The following PLEK variants were observed in gnomAD, a reference collection of about 807,000 sequenced individuals.
PLEK encodes the protein pleckstrin.
A neutral mutation model predicts 43.9 loss-of-function variants in PLEK; 25 were observed. The observed-to-expected ratio is 0.57, with a 90% confidence interval of 0.41 to 0.79. The LOEUF is 0.79. Ranked by LOEUF, PLEK falls within the 30% of genes least tolerant of loss-of-function variation. The pLI is 0.00. For missense variants in PLEK, 396 were observed against 413.3 expected (o/e 0.96, Z 0.36); for synonymous variants, 152 against 144.4 (o/e 1.05, Z -0.38).
At chr2:68,382,697 C>T in intron 4 of PLEK, 64 bp downstream of exon 4, 1 of 916,026 alleles carries the variant, frequency 1.1e-6, no homozygotes, top group East Asian at 2.4e-5. Flanking sequence ...CTCCTTCGGC[C>T]TCGTCTGTGA....
chr2:68,386,827 T>C, intron 5 of PLEK, 141 bp downstream of exon 5: 1 of 626,950 alleles, frequency 1.6e-6, no homozygotes, highest in South Asian at 2.1e-5. Flanking sequence ...AGGGAATACC[T>C]GAAGCTCCCA....
intron 1 of PLEK, among the ~76,000 whole-genome samples, chr2:68,378,774 T>C (rs1451619767): frequency 6.6e-6 from 1 of 152,182 alleles, no homozygotes; most frequent in Non-Finnish European, 1.5e-5. Flanking sequence ...TCTTATCATT[T>C]TAGTGCTGGG....
rs151202814 is a variant in PLEK at position 68,388,173 on chromosome 2, G to A, written c.658-214G>A. 44 of 499,380 alleles carry A rather than the reference G, an allele frequency of 8.8e-5. No individual in the cohort carries two copies. The Middle Eastern group carries it at 1.6e-3, about 19-fold the overall frequency. The allele number at this position is 499,380 out of a possible 1,614,324, so 30.9% of individuals were successfully genotyped here. A position where few individuals can be genotyped will look rare whatever the true frequency, so the allele number is the denominator to read the frequency against. ...GATATTGACAAGATCACACCTGAGT[G>A]GAGACAAGAAAGGAACAGCCCCGGA... is the stretch of plus-strand genomic sequence containing the variant. On this transcript the variant is annotated intron_variant, in intron 5 of 8. Transcript: ENST00000234313.
intron 8 of PLEK, among the ~76,000 whole-genome samples, chr2:68,395,102 C>T (rs1191026098): frequency 1.3e-5 from 2 of 151,990 alleles, no homozygotes; most frequent in Non-Finnish European, 2.9e-5. Flanking sequence ...AGAACTCTGA[C>T]TTAGTGCTTG....
chr2:68,369,487 T>TC (rs1457586878), intron 1 of PLEK, among the ~76,000 whole-genome samples: 1 of 151,668 alleles, frequency 6.6e-6, no homozygotes, highest in Non-Finnish European at 1.5e-5. Context: ...GTACTCTTTT[T>TC]TTTTTTTTTT....
rs185982522 is a variant in PLEK, at chr2:68,390,634, C to A, written c.762+2143C>A. Among the ~76,000 whole-genome samples, 240 of 152,150 alleles carry A rather than the reference C, an allele frequency of 1.6e-3. 2 individuals are homozygous for A. The highest frequency in any genetic ancestry group is 2.4e-3 in the Non-Finnish European group (161 of 67,998). On this transcript the variant is annotated intron_variant, in intron 6 of 8. Transcript: ENST00000234313. ...TAACCATAGTTTACATCAAAATCAC[C>A]CAAGGGATTTTCAGAATTTTAAAAA...
At chr2:68,372,657 A>G (rs1036544571) in intron 1 of PLEK, among the ~76,000 whole-genome samples, 1 of 152,322 alleles carries the variant, frequency 6.6e-6, no homozygotes, top group South Asian at 2.1e-4. Context: ...GTTTTGGCAT[A>G]TAATGGGTGA....
chr2:68,385,173 T>C (rs1053950194), intron 4 of PLEK, among the ~76,000 whole-genome samples: 1 of 152,252 alleles, frequency 6.6e-6, no homozygotes, highest in Non-Finnish European at 1.5e-5. Flanking sequence ...GCACAATTAA[T>C]GTTCTGATAC....
At chr2:68,373,720 T>C (rs952147034) in intron 1 of PLEK, among the ~76,000 whole-genome samples, 2 of 152,186 alleles carry the variant, frequency 1.3e-5, no homozygotes, top group East Asian at 3.9e-4. Context: ...TGAGTGATGA[T>C]GGCAGTTAAT....
At chr2:68,371,724 C>T (rs1420896551) in intron 1 of PLEK, among the ~76,000 whole-genome samples, 3 of 152,146 alleles carry the variant, frequency 2.0e-5, no homozygotes, top group African/African-American at 4.8e-5. Flanking sequence ...GGCTATGCTT[C>T]GTTTAAAGAC....
chr2:68,395,545 T>C (rs78872283), intron 8 of PLEK, 135 bp from the exon 9 acceptor site: 3 of 843,322 alleles, frequency 3.6e-6, no homozygotes, highest in South Asian at 3.0e-5. Context: ...ATACCTTGTT[T>C]GTATGTTTGA....
chr2:68,380,553 C>T (rs1339612720), intron 2 of PLEK, 70 bp downstream of exon 2: 5 of 1,509,608 alleles, frequency 3.3e-6, no homozygotes, highest in Middle Eastern at 1.8e-4. Context: ...GCATTGCCTA[C>T]AATGTGGGTG....
intron 3 of PLEK, among the ~76,000 whole-genome samples, chr2:68,381,323 G>T (rs1382535971): frequency 1.3e-5 from 2 of 152,152 alleles, no homozygotes; most frequent in East Asian, 1.9e-4. Context: ...GGCCAGCCAG[G>T]GTAAACACCC....
intron 1 of PLEK, 52 bp from the exon 2 acceptor site, chr2:68,380,276 T>G: frequency 1.4e-6 from 2 of 1,472,590 alleles, no homozygotes; most frequent in Non-Finnish European, 1.9e-6. Context: ...AGGAGGAAAA[T>G]ACAGTTTGCA....
intron 3 of PLEK, among the ~76,000 whole-genome samples, chr2:68,381,824 G>A (rs1046316008): frequency 6.6e-6 from 1 of 152,166 alleles, no homozygotes; most frequent in African/African-American, 2.4e-5. Context: ...GAGCTCCAAC[G>A]AGGCACCTAG....
At chr2:68,371,206 T>C (rs767235578) in intron 1 of PLEK, among the ~76,000 whole-genome samples, 2 of 152,190 alleles carry the variant, frequency 1.3e-5, no homozygotes, top group African/African-American at 4.8e-5. Context: ...TGAATACTTC[T>C]CTTGTTAGGG....
intron 6 of PLEK, among the ~76,000 whole-genome samples, chr2:68,391,793 G>C (rs1388701249): frequency 6.6e-6 from 1 of 152,172 alleles, no homozygotes; most frequent in Non-Finnish European, 1.5e-5. Context: ...AATATTTCTT[G>C]TATTGGCAAG....
intron 8 of PLEK, among the ~76,000 whole-genome samples, chr2:68,395,390 T>G (rs1673944999): frequency 6.6e-6 from 1 of 152,118 alleles, no homozygotes; most frequent in African/African-American, 2.4e-5. Context: ...GTGAGAAATT[T>G]AGTTTGCCTG....
chr2:68,394,203 G>T, intron 8 of PLEK, 27 bp downstream of exon 8: 3 of 1,421,944 alleles, frequency 2.1e-6, no homozygotes, highest in Non-Finnish European at 2.0e-6. Context: ...TGTGAGAGAG[G>T]TGGGTCTGCT....
Sources: gnomAD v4.1 joint callset for allele counts (sites outside exome capture counted in the v4.1 genomes callset) on GRCh38, gnomAD v4.1.1 for gene constraint, MANE v1.5 for transcripts, NCBI Gene and HGNC (gene_info 2026-07-23, HGNC 2026-07-21) for gene names.